ZFAND3: variants seen among roughly 807,000 people sequenced by gnomAD.
ZFAND3 encodes AN1-type zinc finger protein 3.
A neutral mutation model predicts 29.6 loss-of-function variants in ZFAND3; 10 were observed. That is an observed-to-expected ratio of 0.34 (90% CI 0.21 to 0.57). The LOEUF (loss-of-function observed/expected upper bound fraction) is 0.57, where lower values mean the gene tolerates loss of function less well. Among genes scored for constraint, ZFAND3 ranks in the 20% least tolerant of loss-of-function variants. ZFAND3 has a pLI of 0.86. For missense variants in ZFAND3, 230 were observed against 304.5 expected, an observed-to-expected ratio of 0.76 and a Z score of 1.82; for synonymous variants, 128 against 112.6, an observed-to-expected ratio of 1.14 and a Z score of -0.87.
At chr6:37,958,530 A>G (rs539319668) in intron 2 of ZFAND3, among the ~76,000 whole-genome samples, 1 of 152,220 alleles carries the variant, frequency 6.6e-6, no homozygotes, top group East Asian at 1.9e-4. Context: ...TTAAAAAATA[A>G]TGCTGTATTT....
intron 5 of ZFAND3, among the ~76,000 whole-genome samples, chr6:38,120,645 T>C (rs978108381): frequency 6.6e-6 from 1 of 152,166 alleles, no homozygotes; most frequent in African/African-American, 2.4e-5. Context: ...TCTTAATCAC[T>C]GTGCAATGCT....
chr6:38,075,452 G>A (rs1466781398), intron 3 of ZFAND3, among the ~76,000 whole-genome samples: 2 of 152,188 alleles, frequency 1.3e-5, no homozygotes, highest in South Asian at 2.1e-4. Flanking sequence ...GGAGCCTGAT[G>A]AGGTGACTGA....
At chr6:37,992,770 A>G (rs991663765) in intron 2 of ZFAND3, among the ~76,000 whole-genome samples, 7 of 152,030 alleles carry the variant, frequency 4.6e-5, no homozygotes, top group Non-Finnish European at 8.8e-5. Flanking sequence ...GTGTTTTATT[A>G]TGTCTCTCTT....
At chr6:38,148,632 C>CA (rs1169514444) in intron 5 of ZFAND3, among the ~76,000 whole-genome samples, 9 of 152,288 alleles carry the variant, frequency 5.9e-5, no homozygotes, top group African/African-American at 2.2e-4. Context: ...AATCAGAGAG[C>CA]AACCCAAGGT....
Position 38,116,692 on chromosome 6 carries a change from A to C in ZFAND3, c.482A>C (p.Gln161Pro), listed in dbSNP as rs751454012. 6.2e-7 allele frequency: 1 copy of C among 1,614,190 alleles called. No homozygotes were observed. Among genetic ancestry groups the C allele is most frequent in the Non-Finnish European group, 8.5e-7 (1 of 1,180,006 alleles). The change falls in exon 5 of 6, where the codon CAA becomes CCA. Residue 161 changes from glutamine (Q) to proline (P), a missense_variant. Coordinates refer to ENST00000287218, the MANE Select transcript of ZFAND3 (RefSeq NM_021943.3). ...AGTCGACGTCGGTGCTTCCAGTGCC[A>C]AACCAAACTGGAGCTGGTGCAGCAG... ...QKSRRRCFQC[Q>P]TKLELVQQEL... is the part of the protein sequence containing the mutation.
intron 1 of ZFAND3, among the ~76,000 whole-genome samples, chr6:37,927,372 G>A (rs1056633424): frequency 5.9e-5 from 9 of 152,200 alleles, no homozygotes; most frequent in African/African-American, 1.9e-4. Context: ...GCATTGCGTG[G>A]ACAAGAGATA....
chr6:37,874,566 A>G (rs1305433380), intron 1 of ZFAND3, among the ~76,000 whole-genome samples: 1 of 151,584 alleles, frequency 6.6e-6, no homozygotes, highest in African/African-American at 2.4e-5. Context: ...CACCAGTCAT[A>G]TTGGATTAGG....
chr6:38,075,136 A>T (rs1241442528), intron 3 of ZFAND3, among the ~76,000 whole-genome samples: 1 of 152,208 alleles, frequency 6.6e-6, no homozygotes, highest in Admixed American at 6.5e-5. Context: ...TGGATTAAGG[A>T]GTCATTTTGA....
At chr6:38,097,645 A>C (rs1209907004) in intron 4 of ZFAND3, among the ~76,000 whole-genome samples, 1 of 152,180 alleles carries the variant, frequency 6.6e-6, no homozygotes, top group Non-Finnish European at 1.5e-5. Flanking sequence ...GCTGCCATAA[A>C]GTTATTATGA....
At chr6:37,954,367 AT>A (rs1387792735) in intron 2 of ZFAND3, among the ~76,000 whole-genome samples, 1 of 151,714 alleles carries the variant, frequency 6.6e-6, no homozygotes, top group Non-Finnish European at 1.5e-5. Flanking sequence ...TGATGCTCTT[AT>A]TTTTTTCTTG....
intron 5 of ZFAND3, among the ~76,000 whole-genome samples, chr6:38,126,519 A>G (rs1765638141): frequency 6.6e-6 from 1 of 152,232 alleles, no homozygotes; most frequent in African/African-American, 2.4e-5. Flanking sequence ...TTAGCAATGC[A>G]TTAGGGTTCC....
intron 2 of ZFAND3, among the ~76,000 whole-genome samples, chr6:38,018,092 G>A (rs944811289): frequency 6.6e-6 from 1 of 152,090 alleles, no homozygotes; most frequent in Admixed American, 6.5e-5. Flanking sequence ...TATGAGTTTA[G>A]CATGTTTATA....
chr6:37,882,803 A>G (rs1478246239), intron 1 of ZFAND3, among the ~76,000 whole-genome samples: 1 of 152,110 alleles, frequency 6.6e-6, no homozygotes, highest in African/African-American at 2.4e-5. Context: ...CTTTGTTTCT[A>G]TGTCTGTTCA....
At chr6:38,015,794 A>G (rs1763243094) in intron 2 of ZFAND3, among the ~76,000 whole-genome samples, 1 of 152,218 alleles carries the variant, frequency 6.6e-6, no homozygotes, top group African/African-American at 2.4e-5. Context: ...TTAGGATAGC[A>G]GTTACTTCTA....
intron 3 of ZFAND3, among the ~76,000 whole-genome samples, chr6:38,074,764 C>T (rs1764520262): frequency 6.6e-6 from 1 of 152,174 alleles, no homozygotes; most frequent in Admixed American, 6.5e-5. Flanking sequence ...AAAAGTCAGT[C>T]CCTGGCTTCA....
intron 1 of ZFAND3, among the ~76,000 whole-genome samples, chr6:37,910,949 G>C (rs1206005569): frequency 6.6e-6 from 1 of 152,104 alleles, no homozygotes; most frequent in Non-Finnish European, 1.5e-5. Flanking sequence ...TCCATTAATG[G>C]GCACTTAGGT....
At chr6:38,128,607 C>G (rs1765681947) in intron 5 of ZFAND3, among the ~76,000 whole-genome samples, 1 of 152,150 alleles carries the variant, frequency 6.6e-6, no homozygotes, top group African/African-American at 2.4e-5. Context: ...TCCTGAGTTA[C>G]TTCACTTAGA....
chr6:37,854,775 CCT>C (rs1491255943), intron 1 of ZFAND3, among the ~76,000 whole-genome samples: 240 of 121,168 alleles, frequency 2.0e-3, no homozygotes, highest in Non-Finnish European at 2.8e-3. Flanking sequence ...CCCCCCCCCC[CCT>C]TTTTTTTTAA....
chr6:37,929,827 A>T, intron 1 of ZFAND3, 132 bp from the exon 2 acceptor site: 2 of 675,380 alleles, frequency 3.0e-6, no homozygotes, highest in Non-Finnish European at 4.5e-6. Flanking sequence ...ACTTGTTATT[A>T]ATTTATCAGT....
Sources: allele counts gnomAD v4.1 joint callset (sites outside exome capture counted in the v4.1 genomes callset), GRCh38; gene constraint gnomAD v4.1.1; transcripts MANE v1.5; gene names NCBI Gene and HGNC (gene_info 2026-07-23, HGNC 2026-07-21).